DAB1: variants seen among roughly 807,000 people sequenced by gnomAD.
The protein encoded by DAB1 is disabled homolog 1.
A neutral mutation model predicts 64.6 loss-of-function variants in DAB1; 15 were observed. The ratio of observed to expected loss-of-function variants is 0.23; its 90% CI spans 0.16 to 0.36. The LOEUF is 0.36. Among genes scored for constraint, DAB1 ranks in the 10% least tolerant of loss-of-function variants. DAB1 has a pLI of 1.00. For synonymous variants in DAB1, 235 were observed against 251.9 expected (o/e 0.93, Z 0.64); for missense variants, 596 against 706.7 (o/e 0.84, Z 1.78).
intron 7 of DAB1, among the ~76,000 whole-genome samples, chr1:57,556,366 A>G (rs1355852503): frequency 6.6e-6 from 1 of 152,152 alleles, no homozygotes; most frequent in Admixed American, 6.5e-5. Flanking sequence ...TGTTTTCCAT[A>G]GTGGTTGTAC....
At chr1:58,505,949 T>C in intron 3 of DAB1, 1 of 609,138 alleles carries the variant, frequency 1.6e-6, no homozygotes, top group Admixed American at 2.8e-5. Flanking sequence ...ATTATAGTAA[T>C]CAAAATAGTT....
chr1:57,669,553 A>C (rs1646486784), intron 6 of DAB1, among the ~76,000 whole-genome samples: 1 of 152,136 alleles, frequency 6.6e-6, no homozygotes, highest in Non-Finnish European at 1.5e-5. Flanking sequence ...CCGAGGGTTA[A>C]ATTAATTTAT....
chr1:58,317,957 G>C (rs1031464473), intron 4 of DAB1, among the ~76,000 whole-genome samples: 1 of 152,186 alleles, frequency 6.6e-6, no homozygotes, highest in Admixed American at 6.5e-5. Flanking sequence ...TGTGTCTCTT[G>C]ATCTTTAATG....
In DAB1 at chr1:58,502,845, A is replaced by C. The variant is rs115633055; in HGVS notation, n.257+3215T>G. 8.4e-3 allele frequency among the ~76,000 whole-genome samples: 1,286 copies of C among 152,298 alleles called. 15 individuals are homozygous for C. The highest frequency in any genetic ancestry group is 0.029 in the African/African-American group (1,203 of 41,558). ...TTTTATTACTTTCAAATTGAATTTAATCACTTGGGGTGGGGAATATAAGAA... is the reference window on the plus strand; with the variant it reads ...TTTTATTACTTTCAAATTGAATTTACTCACTTGGGGTGGGGAATATAAGAA... On this transcript the variant is annotated intron_variant and non_coding_transcript_variant, in intron 3 of 20. Transcript: ENST00000485760.
At chr1:58,268,732 A>G (rs1661235392) in intron 4 of DAB1, among the ~76,000 whole-genome samples, 1 of 152,232 alleles carries the variant, frequency 6.6e-6, no homozygotes, top group South Asian at 2.1e-4. Flanking sequence ...CAAAATCACA[A>G]TGATAATTTT....
chr1:58,219,937 C>T (rs1659069808), intron 4 of DAB1, among the ~76,000 whole-genome samples: 1 of 152,192 alleles, frequency 6.6e-6, no homozygotes, highest in Non-Finnish European at 1.5e-5. Context: ...GGCGTACAGC[C>T]AATACATTTT....
intron 4 of DAB1, among the ~76,000 whole-genome samples, chr1:58,288,578 T>C (rs770866445): frequency 6.0e-4 from 92 of 152,324 alleles, no homozygotes; most frequent in Non-Finnish European, 1.1e-3. Context: ...TACACAGTCA[T>C]GTAATGTCAG....
At chr1:57,110,397 G>C (rs1456143722) in intron 4 of DAB1, among the ~76,000 whole-genome samples, 2 of 152,112 alleles carry the variant, frequency 1.3e-5, no homozygotes, top group Non-Finnish European at 2.9e-5. Context: ...CCATGAATGG[G>C]GTTTGTCACT....
intron 7 of DAB1, among the ~76,000 whole-genome samples, chr1:57,556,569 G>A (rs1644991403): frequency 6.6e-6 from 1 of 151,876 alleles, no homozygotes; most frequent in African/African-American, 2.4e-5. Context: ...TTGGCCATTT[G>A]TATATCTTCT....
chr1:57,135,774 T>G (rs1658029817), intron 4 of DAB1, among the ~76,000 whole-genome samples: 1 of 152,170 alleles, frequency 6.6e-6, no homozygotes, highest in African/African-American at 2.4e-5. Context: ...ATAAAGTGCT[T>G]GATAAATTAC....
At chr1:57,186,559 C>A (rs1663582653) in intron 2 of DAB1, among the ~76,000 whole-genome samples, 1 of 152,112 alleles carries the variant, frequency 6.6e-6, no homozygotes, top group Admixed American at 6.5e-5. Flanking sequence ...TGATTAAATA[C>A]CCAATCCATA....
intron 3 of DAB1, among the ~76,000 whole-genome samples, chr1:58,465,212 T>C (rs558856107): frequency 3.3e-5 from 5 of 152,172 alleles, no homozygotes; most frequent in Non-Finnish European, 7.4e-5. Flanking sequence ...GAACACTGCC[T>C]CATTCAGGCA....
chr1:58,492,889 A>T (rs936716913), intron 3 of DAB1, among the ~76,000 whole-genome samples: 3 of 152,344 alleles, frequency 2.0e-5, no homozygotes, highest in African/African-American at 7.2e-5. Context: ...CAACAGAAAA[A>T]GAGAGAATCC....
At chr1:57,097,685 T>C (rs1654292148) in intron 4 of DAB1, among the ~76,000 whole-genome samples, 1 of 152,208 alleles carries the variant, frequency 6.6e-6, no homozygotes, top group Non-Finnish European at 1.5e-5. Flanking sequence ...TATTAATTCA[T>C]CATTATATAA....
intron 1 of DAB1, chr1:58,536,476 T>A: frequency 2.4e-6 from 2 of 816,868 alleles, no homozygotes; most frequent in Non-Finnish European, 4.4e-6. Flanking sequence ...GAGTGTTATA[T>A]TAAGCAGTCT....
intron 4 of DAB1, among the ~76,000 whole-genome samples, chr1:58,283,032 C>T (rs1661600324): frequency 6.6e-6 from 1 of 152,006 alleles, no homozygotes; most frequent in Admixed American, 6.6e-5. Context: ...CTTCCCCAAC[C>T]ACCATGTAAG....
intron 3 of DAB1, among the ~76,000 whole-genome samples, chr1:58,495,799 C>G (rs1645790621): frequency 6.6e-6 from 1 of 152,028 alleles, no homozygotes; most frequent in African/African-American, 2.4e-5. Flanking sequence ...CTTACACTTC[C>G]TCCAACAGCA....
chr1:57,419,887 T>C (rs1338769638), intron 1 of DAB1, among the ~76,000 whole-genome samples: 2 of 152,256 alleles, frequency 1.3e-5, no homozygotes, highest in Non-Finnish European at 2.9e-5. Flanking sequence ...CCACCTGCTA[T>C]ACCACCTTTT....
In DAB1 at chr1:57,262,291, TACTGA is replaced by T. The variant is rs377638890; in HGVS notation, c.67+28668_67+28672del. On this transcript the variant is annotated intron_variant, in intron 2 of 14. Coordinates refer to ENST00000371236, the MANE Select transcript of DAB1 (RefSeq NM_001365792.1). ...GCAGAGGCCACATTTGAACCAGGCC[TACTGA>T]ACTGAACTGAAATCACATCAACTCC... Among the ~76,000 whole-genome samples, 93 of 152,336 alleles carry T rather than the reference TACTGA, an allele frequency of 6.1e-4. 1 individual carries two copies. In the South Asian group the frequency reaches 0.017, roughly 27 times the overall value.
Sources: gnomAD v4.1 joint callset for allele counts (sites outside exome capture counted in the v4.1 genomes callset) on GRCh38, gnomAD v4.1.1 for gene constraint, MANE v1.5 for transcripts, NCBI Gene and HGNC (gene_info 2026-07-23, HGNC 2026-07-21) for gene names.